Variants in CAMTA2 observed in about 807,000 individuals in gnomAD.
The protein encoded by CAMTA2 is calmodulin binding transcription activator 2, also known as calmodulin-binding transcription activator 2.
Under a neutral mutation model 135.7 loss-of-function variants are expected in CAMTA2, and 56 were observed. That is an observed-to-expected ratio of 0.41 (90% CI 0.33 to 0.52). The LOEUF (loss-of-function observed/expected upper bound fraction) is 0.52, where lower values mean the gene tolerates loss of function less well. CAMTA2 is among the 20% of genes least tolerant of loss of function. The pLI, the probability that CAMTA2 is intolerant of heterozygous loss-of-function variation, is 0.16. For synonymous variants in CAMTA2, 591 were observed against 604.6 expected, an observed-to-expected ratio of 0.98 and a Z score of 0.33; for missense variants, 1,358 against 1,553.4, an observed-to-expected ratio of 0.87 and a Z score of 2.11.
chr17:4,974,585 G>C (rs1369768523), intron 11 of CAMTA2, 85 bp from the exon 12 acceptor site: 1 of 804,138 alleles, frequency 1.2e-6, no homozygotes, highest in Non-Finnish European at 2.2e-6. Flanking sequence ...CAAGATCTGG[G>C]GATGAGGACA....
At position 4,979,750 on chromosome 17, in the gene CAMTA2, C is replaced by G. The variant is rs79255821; in HGVS notation, c.1572G>C (p.Pro524=). 1.2e-6 allele frequency: 2 copies of G among 1,613,958 alleles called. No homozygotes were observed. The highest frequency in any genetic ancestry group is 1.7e-6 in the Non-Finnish European group (2 of 1,179,984). ...ISDEAPSIPA[P]TPQLSPALST... Reference sequence around the variant, plus strand: ...TAAGAGCAGGAGACAGCTGGGGGGTCGGAGCAGGGATGCTTGGAGCTTCGT... The same window carrying G: ...TAAGAGCAGGAGACAGCTGGGGGGTGGGAGCAGGGATGCTTGGAGCTTCGT... The change falls in exon 9 of 23, where the codon CCG becomes CCC. Residue 524 remains proline (P), a synonymous_variant. Coordinates refer to ENST00000348066, the MANE Select transcript of CAMTA2 (RefSeq NM_015099.4).
In CAMTA2 at chr17:4,980,416, T is replaced by C; in HGVS notation, c.906A>G (p.Ala302=). 6.2e-7 allele frequency: 1 copy of C among 1,611,492 alleles called. No homozygotes were observed. Among genetic ancestry groups the C allele is most frequent in the East Asian group, 2.2e-5 (1 of 44,744 alleles). ...SSSSSSSSGF[A]EPLEIRPSPP... is the part of the protein sequence containing the mutation. The stretch of plus-strand genomic sequence containing the variant: ...GGCTAGGTCTGATTTCTAGGGGCTC[T>C]GCAAAACCTGATGAGGAGGAAGAAG... Residue 302 remains alanine (A), a synonymous_variant, in exon 9 of 23, where the codon GCA becomes GCG. Coordinates refer to ENST00000348066, the MANE Select transcript of CAMTA2 (RefSeq NM_015099.4). The surrounding 1 kb of genome is among the most constrained non-coding windows in gnomAD (Gnocchi z 5.3).
intron 16 of CAMTA2, among the ~76,000 whole-genome samples, chr17:4,971,283 C>G (rs962901365): frequency 1.3e-5 from 2 of 152,226 alleles, no homozygotes; most frequent in Non-Finnish European, 1.5e-5. Context: ...CATCTTGGTT[C>G]TCCTAGAACC....
chr17:4,978,943 C>T (rs1465892234), intron 9 of CAMTA2, among the ~76,000 whole-genome samples: 1 of 152,210 alleles, frequency 6.6e-6, no homozygotes, highest in Admixed American at 6.5e-5. Flanking sequence ...CACTGTACTT[C>T]CTCCTTTTCC....
At chr17:4,975,603 G>A (rs929648066) in intron 11 of CAMTA2, among the ~76,000 whole-genome samples, 4 of 152,158 alleles carry the variant, frequency 2.6e-5, no homozygotes, top group African/African-American at 7.2e-5. Flanking sequence ...GCAGACTCAA[G>A]TCAGAGACAA....
At chr17:4,983,211 C>T (rs1973069277) in intron 3 of CAMTA2, 168 bp from the exon 4 acceptor site, 2 of 614,154 alleles carry the variant, frequency 3.3e-6, no homozygotes, top group Non-Finnish European at 5.9e-6. Context: ...AAGAACCCTT[C>T]TTTTGTCCTA....
intron 6 of CAMTA2, 85 bp from the exon 7 acceptor site, chr17:4,981,916 C>G: frequency 7.1e-7 from 1 of 1,406,746 alleles, no homozygotes. Context: ...TTCCTGGGCA[C>G]CCTCCTAACC....
In CAMTA2 at chr17:4,981,313, A is replaced by G; in HGVS notation, c.612T>C (p.Ser204=). ...AAATCTGCTGCACCAGGTGTTCTAC[A>G]GAGAACTCTTCTGTTCCATTCCCGC... is the stretch of plus-strand genomic sequence containing the variant. The part of the protein sequence containing the change: ...WSCGNGTEEF[S]VEHLVQQILD... Residue 204 remains serine (S), a synonymous_variant, in exon 8 of 23, where the codon TCT becomes TCC. Coordinates refer to ENST00000348066, the MANE Select transcript of CAMTA2 (RefSeq NM_015099.4). The G allele has an allele frequency of 1.2e-6, 2 of 1,614,152 alleles. No individual in the cohort carries two copies. Among genetic ancestry groups the G allele is most frequent in the Non-Finnish European group, 8.5e-7 (1 of 1,179,998 alleles).
In CAMTA2 at chr17:4,982,860, C is replaced by T; in HGVS notation, c.236G>A (p.Arg79His). Residue 79 changes from arginine (R) to histidine (H), a missense_variant, in exon 5 of 23, where the codon CGC becomes CAC. Arg to His is a conservative substitution (Grantham distance 29). This residue lies in a region of CAMTA2 where 105 missense variants were observed against 190.9 expected (regional missense o/e 0.55). Transcript: ENST00000348066. ...ATCCTTCCGATATTTCACCTTCTTG[C>T]GATTGTAGAGGATGATGGAGCCATT... ...PQNGSIILYNRKKVKYRKDGY... is the reference protein window; with the variant it reads ...PQNGSIILYNHKKVKYRKDGY... The T allele has an allele frequency of 1.2e-6, 2 of 1,614,078 alleles. No individual in the cohort carries two copies. Among genetic ancestry groups the T allele is most frequent in the Non-Finnish European group, 1.7e-6 (2 of 1,180,022 alleles).
Position 4,971,208 on chromosome 17 carries a change from A to G in CAMTA2, c.2809-672T>C, listed in dbSNP as rs558083750. ...TGTGCAAGCCTCCTTCCTGCATCAG[A>G]TCACTGCCAAATACCCTCATCTTGC... On this transcript the variant is annotated intron_variant, in intron 16 of 22. Transcript: ENST00000348066. Among the ~76,000 whole-genome samples, 4 of 152,270 alleles carry G rather than the reference A, an allele frequency of 2.6e-5. 1 individual carries two copies. The South Asian group carries it at 8.3e-4, about 32-fold the overall frequency.
chr17:4,978,837 C>A lies in CAMTA2; in HGVS notation c.1639-207G>T, dbSNP rs148099646. 3.7e-3 allele frequency among the ~76,000 whole-genome samples: 569 copies of A among 152,306 alleles called. 1 individual carries two copies. The highest frequency in any genetic ancestry group is 6.5e-3 in the Non-Finnish European group (443 of 68,024). On this transcript the variant is annotated intron_variant, in intron 9 of 22. Coordinates refer to ENST00000348066, the MANE Select transcript of CAMTA2 (RefSeq NM_015099.4). ...CTGCCAAGTGGTTGCCTGGTCTCTA[C>A]CTGAATCTGCCAGTAGCTGGGAATT...
At position 4,980,042 on chromosome 17, in the gene CAMTA2, C is replaced by A; in HGVS notation, c.1280G>T (p.Gly427Val). Residue 427 changes from glycine to valine, a missense_variant, in exon 9 of 23, where the codon GGT (glycine) becomes GTT (valine). Physicochemically the swap from Gly to Val is moderately radical, Grantham distance 109. Coordinates refer to ENST00000348066, the MANE Select transcript of CAMTA2 (RefSeq NM_015099.4). The surrounding 1 kb of genome is among the most constrained non-coding windows in gnomAD (Gnocchi z 5.3). The stretch of plus-strand genomic sequence containing the variant: ...ACCTGCTACTGACTGTGGTGGGGGA[C>A]CCCGAGCAGCTGCCTGGGGCTCCAG... ...AALEPQAAAR[G>V]PPPQSVAGGR... 1 of 1,612,716 alleles carries A rather than the reference C, an allele frequency of 6.2e-7. No individual in the cohort carries two copies. The highest frequency in any genetic ancestry group is 8.5e-7 in the Non-Finnish European group (1 of 1,178,964).
intron 10 of CAMTA2, among the ~76,000 whole-genome samples, chr17:4,977,689 T>G (rs768003217): frequency 6.6e-6 from 1 of 152,218 alleles, no homozygotes; most frequent in African/African-American, 2.4e-5. Flanking sequence ...TCCCCTTTCC[T>G]TACACACATG....
intron 16 of CAMTA2, 29 bp from the exon 17 acceptor site, chr17:4,970,565 C>CCTA (rs1487673029): frequency 6.3e-7 from 1 of 1,592,816 alleles, no homozygotes; most frequent in Non-Finnish European, 8.5e-7. Context: ...TGAGTGAGTC[C>CCTA]TTAGGGGCCC....
At chr17:4,984,069 GCCT>G (rs1395917188) in intron 3 of CAMTA2, among the ~76,000 whole-genome samples, 1 of 152,120 alleles carries the variant, frequency 6.6e-6, no homozygotes, top group Non-Finnish European at 1.5e-5. Context: ...TCCTGCCTCA[GCCT>G]CCTGAGTAGC....
Position 4,979,693 on chromosome 17 carries a change from G to C in CAMTA2, c.1629C>G (p.Ser543=). 6.2e-7 allele frequency: 1 copy of C among 1,612,106 alleles called. No homozygotes were observed. The highest frequency in any genetic ancestry group is 8.5e-7 in the Non-Finnish European group (1 of 1,178,568). ...STITDFSPEW[S]YPEGGVKVLI... ...TAAGCCTGAGTCTCACCTCTGGGTA[G>C]GACCACTCTGGGGAGAAGTCTGTGA... The change falls in exon 9 of 23, where the codon TCC becomes TCG. Residue 543 remains serine, a synonymous_variant. Transcript: ENST00000348066.
chr17:4,981,891 C>A, intron 6 of CAMTA2, 60 bp from the exon 7 acceptor site: 1 of 1,499,238 alleles, frequency 6.7e-7, no homozygotes, highest in Non-Finnish European at 9.0e-7. Context: ...GCTTGGCTTC[C>A]TAATCCTCAC....
rs915985234 is a variant in CAMTA2 at position 4,976,983 on chromosome 17, C to G, written c.1900+75G>C. 5.5e-6 allele frequency: 8 copies of G among 1,457,364 alleles called. No homozygotes were observed. In the African/African-American group the frequency reaches 8.6e-5, roughly 16 times the overall value. 90.3% of individuals were successfully genotyped at this position (1,457,364 alleles called of 1,614,324 possible). A position where few individuals can be genotyped will look rare whatever the true frequency, so the allele number is the denominator to read the frequency against. ...GGGGCTCAGTGATGGCCACCTGAAC[C>G]CTGAGTGGTCTAGGAGCATGTCATG... On this transcript the variant is annotated intron_variant, in intron 11 of 22. Coordinates refer to ENST00000348066, the MANE Select transcript of CAMTA2 (RefSeq NM_015099.4).
chr17:4,981,929 GC>G, intron 6 of CAMTA2, 98 bp from the exon 7 acceptor site: 1 of 1,371,286 alleles, frequency 7.3e-7, no homozygotes, highest in South Asian at 1.3e-5. Context: ...TCCTAACCTC[GC>G]CCCCAATTTC....
Sources: allele counts gnomAD v4.1 joint callset (sites outside exome capture counted in the v4.1 genomes callset), GRCh38; gene constraint gnomAD v4.1.1; regional missense constraint gnomAD v4.1.1; non-coding constraint Gnocchi (gnomAD v3.1); transcripts MANE v1.5; gene names NCBI Gene and HGNC (gene_info 2026-07-23, HGNC 2026-07-21).